The following SAR1A variants were observed in gnomAD, a reference collection of about 807,000 sequenced individuals.
The protein encoded by SAR1A is secretion associated Ras related GTPase 1A, also known as small COPII coat GTPase SAR1A.
A neutral mutation model predicts 22.6 loss-of-function variants in SAR1A; 6 were observed. The observed-to-expected ratio is 0.27, with a 90% CI of 0.15 to 0.52. The LOEUF (loss-of-function observed/expected upper bound fraction) is 0.52. Among genes scored for constraint, SAR1A ranks in the 20% least tolerant of loss-of-function variants. The probability of loss-of-function intolerance (pLI) is 0.96; values close to 1 mark genes in which losing one functional copy is unlikely to be tolerated. For synonymous variants in SAR1A, 70 were observed against 82.2 expected, an observed-to-expected ratio of 0.85 and a Z score of 0.80; for missense variants, 145 against 245.1, an observed-to-expected ratio of 0.59 and a Z score of 2.73.
At chr10:70,154,234 A>G (rs1839359596) in intron 5 of SAR1A, among the ~76,000 whole-genome samples, 1 of 152,226 alleles carries the variant, frequency 6.6e-6, no homozygotes, top group African/African-American at 2.4e-5. Flanking sequence ...AACTGCCCCA[A>G]TATTAACTTT....
intron 1 of SAR1A, among the ~76,000 whole-genome samples, chr10:70,169,721 A>T (rs904090237): frequency 1.3e-5 from 2 of 152,224 alleles, no homozygotes; most frequent in African/African-American, 2.4e-5. Context: ...CCCCATGGCG[A>T]ATCTCCCTAA....
In SAR1A at chr10:70,151,841, A is replaced by G. The variant is rs1307551008; in HGVS notation, c.*635T>C. ...CACAGTGGAAACCTGCCACAACTGCAAGGCCGGGGTTCTGCCCCTTTTCTA... is the reference window on the plus strand; with the variant it reads ...CACAGTGGAAACCTGCCACAACTGCGAGGCCGGGGTTCTGCCCCTTTTCTA... On this transcript the variant is annotated 3_prime_UTR_variant, in exon 7 of 7. Transcript: ENST00000373241. The G allele has an allele frequency of 1.3e-5, 2 of 153,332 alleles. No homozygotes were observed. The highest frequency in any genetic ancestry group is 4.8e-5 in the African/African-American group (2 of 41,450). The allele number at this position is 153,332 out of a possible 1,614,324, so 9.5% of individuals were successfully genotyped here.
chr10:70,155,338 G>A (rs1839374502), intron 5 of SAR1A, among the ~76,000 whole-genome samples: 1 of 151,892 alleles, frequency 6.6e-6, no homozygotes, highest in South Asian at 2.1e-4. Flanking sequence ...AGACAAATGA[G>A]TCAAAACTGC....
intron 1 of SAR1A, among the ~76,000 whole-genome samples, chr10:70,170,151 CTG>C (rs941273165): frequency 6.6e-6 from 1 of 152,126 alleles, no homozygotes; most frequent in Non-Finnish European, 1.5e-5. Context: ...AGACAAGAAA[CTG>C]TTATCCGGCC....
rs1414431966 is a variant in SAR1A at position 70,149,973 on chromosome 10, A to G, written c.*2503T>C. 2 of 152,166 alleles carry G rather than the reference A, an allele frequency of 1.3e-5. No homozygotes were observed. The highest frequency in any genetic ancestry group is 4.8e-5 in the African/African-American group (2 of 41,416). The allele number at this position is 152,166 out of a possible 1,614,324, so 9.4% of individuals were successfully genotyped here. ...CCCCATCCTGTTGCAGAGATGACCA[A>G]CAACCCTGGGTCCACAGCATGTTCC... On this transcript the variant is annotated 3_prime_UTR_variant, in exon 7 of 7. Transcript: ENST00000373241.
intron 1 of SAR1A, among the ~76,000 whole-genome samples, chr10:70,163,223 C>A (rs754131914): frequency 6.6e-6 from 1 of 152,120 alleles, no homozygotes; most frequent in Non-Finnish European, 1.5e-5. Flanking sequence ...AATGAAACAG[C>A]CTTATTGCTG....
chr10:70,154,292 A>G (rs561882424), intron 5 of SAR1A, among the ~76,000 whole-genome samples: 84 of 152,342 alleles, frequency 5.5e-4, no homozygotes, highest in African/African-American at 2.0e-3. Flanking sequence ...GTCCCTCAGC[A>G]AAGTCCTATA....
At chr10:70,170,337 C>T (rs1334844407) in intron 1 of SAR1A, 76 bp downstream of exon 1, 1 of 149,922 alleles carries the variant, frequency 6.7e-6, no homozygotes, top group African/African-American at 2.5e-5. Context: ...GGGCCAGCCT[C>T]CGCTCCGACC....
intron 1 of SAR1A, 27 bp from the exon 2 acceptor site, chr10:70,161,958 A>T: frequency 1.3e-6 from 2 of 1,504,134 alleles, no homozygotes; most frequent in Non-Finnish European, 1.8e-6. Context: ...AGTAGCAAAC[A>T]TTAGCTTTCT....
chr10:70,152,655 C>T (rs1454327487), intron 6 of SAR1A, 63 bp from the exon 7 acceptor site: 28 of 1,081,000 alleles, frequency 2.6e-5, no homozygotes, highest in Admixed American at 6.9e-5. Flanking sequence ...ATTGAAAGGA[C>T]GATCATTACA....
chr10:70,161,988 G>A, intron 1 of SAR1A, 57 bp from the exon 2 acceptor site: 1 of 1,287,714 alleles, frequency 7.8e-7, no homozygotes, highest in South Asian at 1.2e-5. Context: ...TACAATTGTG[G>A]AGAGGTTAAC....
chr10:70,161,957 C>T (rs1361844464), intron 1 of SAR1A, 26 bp from the exon 2 acceptor site: 1 of 1,503,670 alleles, frequency 6.7e-7, no homozygotes, highest in Non-Finnish European at 9.2e-7. Flanking sequence ...AAGTAGCAAA[C>T]ATTAGCTTTC....
intron 6 of SAR1A, 34 bp from the exon 7 acceptor site, chr10:70,152,626 C>T (rs1839338957): frequency 7.4e-7 from 1 of 1,352,826 alleles, no homozygotes; most frequent in Non-Finnish European, 1.1e-6. Flanking sequence ...GGCCTGTTAG[C>T]ATCTCTGTGG....
chr10:70,163,629 G>C, intron 1 of SAR1A: 1 of 713,738 alleles, frequency 1.4e-6, no homozygotes, highest in Non-Finnish European at 2.6e-6. Context: ...AGTGGAGCAA[G>C]TGAGCGAGCA....
intron 1 of SAR1A, chr10:70,167,517 C>T (rs2394640): frequency 0.029 from 4,414 of 152,072 alleles, 89 homozygotes; most frequent in East Asian, 0.059. Context: ...GCAGGAGAAA[C>T]GCTTGAACCT....
chr10:70,159,016 TC>T (rs1283373378), intron 4 of SAR1A, among the ~76,000 whole-genome samples: 3 of 152,198 alleles, frequency 2.0e-5, no homozygotes, highest in African/African-American at 7.2e-5. Flanking sequence ...CTCCAGATGG[TC>T]TAGGTTCAGT....
rs1282799610 is a variant in SAR1A, at chr10:70,157,809, G to A, written c.303C>T (p.Asp101=). The A allele has an allele frequency of 3.7e-6, 6 of 1,613,860 alleles. No homozygotes were observed. Among genetic ancestry groups the A allele is most frequent in the African/African-American group, 1.3e-5 (1 of 74,892 alleles). Residue 101 remains aspartate, a synonymous_variant, in exon 5 of 7, where the codon GAC becomes GAT. Transcript: ENST00000373241. ...CCACGAGGCGAGAATGATCTGCACAGTCCACCAGAAAGACAATCCCATTAA... is the reference window on the plus strand; with the variant it reads ...CCACGAGGCGAGAATGATCTGCACAATCCACCAGAAAGACAATCCCATTAA... ...PAINGIVFLV[D]CADHSRLVES... is the part of the protein sequence containing the mutation.
chr10:70,158,757 C>CAAACAAAA (rs1554827243), intron 4 of SAR1A, among the ~76,000 whole-genome samples: 1 of 125,810 alleles, frequency 7.9e-6, no homozygotes, highest in African/African-American at 2.9e-5. Flanking sequence ...TTAAGTTATA[C>CAAACAAAA]AAAAAAAAAA....
intron 1 of SAR1A, among the ~76,000 whole-genome samples, chr10:70,169,646 T>C (rs1013029443): frequency 3.3e-5 from 5 of 152,152 alleles, no homozygotes; most frequent in African/African-American, 1.2e-4. Flanking sequence ...CAGGCAGATT[T>C]GGGGTAGTAG....
Sources: allele counts gnomAD v4.1 joint callset (sites outside exome capture counted in the v4.1 genomes callset), GRCh38; gene constraint gnomAD v4.1.1; transcripts MANE v1.5; gene names NCBI Gene and HGNC (gene_info 2026-07-23, HGNC 2026-07-21).